GOSR2: variants seen among roughly 807,000 people sequenced by gnomAD.
GOSR2 encodes the protein golgi SNAP receptor complex member 2, also known as 27 kDa Golgi SNARE protein.
A neutral mutation model predicts 27.9 loss-of-function variants in GOSR2; 20 were observed. The ratio of observed to expected loss-of-function variants is 0.72; its 90% CI spans 0.50 to 1.04. The LOEUF (loss-of-function observed/expected upper bound fraction) is 1.04, where lower values mean the gene tolerates loss of function less well. GOSR2 is among the 50% of genes least tolerant of loss of function. The probability of loss-of-function intolerance (pLI) is 0.00; values close to 1 mark genes in which losing one functional copy is unlikely to be tolerated. For synonymous variants in GOSR2, 91 were observed against 98.8 expected (o/e 0.92, Z 0.47); for missense variants, 261 against 270.5 (o/e 0.97, Z 0.25).
At position 46,941,138 on chromosome 17, in the gene GOSR2, T is replaced by C. The variant is rs1198722468; in HGVS notation, c.*2378T>C. 9 of 1,018,976 alleles carry C rather than the reference T, an allele frequency of 8.8e-6. No homozygotes were observed. The highest frequency in any genetic ancestry group is 9.4e-6 in the Non-Finnish European group (8 of 848,502). The allele number at this position is 1,018,976 out of a possible 1,614,324, so 63.1% of individuals were successfully genotyped here. A position where few individuals can be genotyped will look rare whatever the true frequency, so the allele number is the denominator to read the frequency against. On this transcript the variant is annotated 3_prime_UTR_variant, in exon 6 of 6. Coordinates refer to ENST00000640051, the MANE Select transcript of GOSR2 (RefSeq NM_004287.5). ...GTGGGTTATCAAGAGGAACTTGAGA[T>C]CTCTTTATTACATGGACATTTACTT...
At chr17:46,938,407 G>C (rs1217429315) in intron 5 of GOSR2, among the ~76,000 whole-genome samples, 192 bp from the exon 6 acceptor site, 3 of 152,126 alleles carry the variant, frequency 2.0e-5, no homozygotes, top group Non-Finnish European at 4.4e-5. Flanking sequence ...ACTTAGCGTT[G>C]CTCTGGTACC....
intron 5 of GOSR2, 115 bp from the exon 6 acceptor site, chr17:46,938,484 T>C (rs1312232346): frequency 2.2e-5 from 34 of 1,534,360 alleles, no homozygotes; most frequent in Non-Finnish European, 3.0e-5. Flanking sequence ...TTCTGTGTAT[T>C]CTGGGCATGA....
At chr17:46,944,866 C>A (rs2089702042), downstream of GOSR2, among the ~76,000 whole-genome samples, 1 of 152,164 alleles carries the variant, frequency 6.6e-6, no homozygotes, top group Admixed American at 6.5e-5. Flanking sequence ...TCCCAAAGTG[C>A]TGGGATTACT....
chr17:46,971,451 C>T (rs2091392102), downstream of GOSR2, among the ~76,000 whole-genome samples: 1 of 152,164 alleles, frequency 6.6e-6, no homozygotes, highest in Non-Finnish European at 1.5e-5. Context: ...GGCTCTCCTC[C>T]AGTGCTGGGT....
chr17:46,924,200 TA>T (rs927460673), intron 1 of GOSR2: 1 of 221,954 alleles, frequency 4.5e-6, no homozygotes, highest in African/African-American at 2.3e-5. Flanking sequence ...ATACTTAATA[TA>T]AGTGGAGTCA....
intron 2 of GOSR2, chr17:46,930,770 A>G (rs916935172): frequency 2.5e-5 from 6 of 237,484 alleles, no homozygotes; most frequent in Non-Finnish European, 4.1e-5. Flanking sequence ...GACCTATATC[A>G]GAAAATTTAG....
In GOSR2 at chr17:46,940,899, C is replaced by G; in HGVS notation, c.*2139C>G. 1 of 1,369,156 alleles carries G rather than the reference C, an allele frequency of 7.3e-7. No individual in the cohort carries two copies. The highest frequency in any genetic ancestry group is 9.5e-7 in the Non-Finnish European group (1 of 1,058,004). The allele number at this position is 1,369,156 out of a possible 1,614,324, so 84.8% of individuals were successfully genotyped here. A position where few individuals can be genotyped will look rare whatever the true frequency, so the allele number is the denominator to read the frequency against. On this transcript the variant is annotated 3_prime_UTR_variant, in exon 6 of 6. Coordinates refer to ENST00000640051, the MANE Select transcript of GOSR2 (RefSeq NM_004287.5). ...TGTCACATGACCACTTCTCTTCACA[C>G]ATCTGCTTTCAGTGCCTGGTGAAAA... is the stretch of plus-strand genomic sequence containing the variant.
chr17:46,969,305 C>G (rs2091367440), downstream of GOSR2, among the ~76,000 whole-genome samples: 1 of 152,208 alleles, frequency 6.6e-6, no homozygotes, highest in Non-Finnish European at 1.5e-5. Flanking sequence ...TCCTTGTGCC[C>G]CCTGGGGGGC....
At chr17:46,936,965 TAAA>T (rs78020254) in intron 5 of GOSR2, 47 of 196,258 alleles carry the variant, frequency 2.4e-4, no homozygotes, top group Non-Finnish European at 4.0e-4. Context: ...GTGTATTTAT[TAAA>T]AAAAAAAAAA....
intron 6 of GOSR2, among the ~76,000 whole-genome samples, chr17:46,960,880 G>A (rs759780708): frequency 6.6e-6 from 1 of 152,170 alleles, no homozygotes; most frequent in Non-Finnish European, 1.5e-5. Context: ...CTACAAAGTG[G>A]CAGCATGAAG....
At position 46,941,649 on chromosome 17, in the gene GOSR2, C is replaced by T. The variant is rs142652226; in HGVS notation, c.*2889C>T. The T allele has an allele frequency of 0.019, 3,116 of 162,584 alleles. 39 individuals are homozygous for T. The highest frequency in any genetic ancestry group is 0.029 in the Non-Finnish European group (2,238 of 77,508). The allele number at this position is 162,584 out of a possible 1,614,324, so 10.1% of individuals were successfully genotyped here. A position where few individuals can be genotyped will look rare whatever the true frequency, so the allele number is the denominator to read the frequency against. ...AGTGCAGTGGCGCAATCTTGGCTCA[C>T]TGCATCCTCTGCCTCCTGGGTTCAG... On this transcript the variant is annotated 3_prime_UTR_variant, in exon 6 of 6. Coordinates refer to ENST00000640051, the MANE Select transcript of GOSR2 (RefSeq NM_004287.5).
intron 6 of GOSR2, among the ~76,000 whole-genome samples, chr17:46,973,405 C>T (rs377015167): frequency 4.6e-5 from 7 of 152,136 alleles, no homozygotes; most frequent in Admixed American, 1.3e-4. Flanking sequence ...TCAAGTGATT[C>T]GCCCACCTTA....
downstream of GOSR2, among the ~76,000 whole-genome samples, chr17:46,944,891 CA>C (rs528713567): frequency 8.8e-3 from 1,338 of 152,304 alleles, 10 homozygotes; most frequent in Non-Finnish European, 0.012. Flanking sequence ...TAAGCCACCG[CA>C]GCCGGCCTTA....
chr17:46,970,008 T>C, downstream of GOSR2, among the ~76,000 whole-genome samples: 1 of 152,194 alleles, frequency 6.6e-6, no homozygotes, highest in Non-Finnish European at 1.5e-5. Flanking sequence ...CTCCTGGCTC[T>C]AGCTGACTAC....
At chr17:46,931,379 C>T in intron 3 of GOSR2, 172 bp downstream of exon 3, 1 of 631,660 alleles carries the variant, frequency 1.6e-6, no homozygotes, top group Non-Finnish European at 2.9e-6. Context: ...TGATGCCGCT[C>T]AAAATAAATA....
chr17:46,950,711 G>T (rs919497632), intron 6 of GOSR2, among the ~76,000 whole-genome samples: 1 of 152,152 alleles, frequency 6.6e-6, no homozygotes, highest in Non-Finnish European at 1.5e-5. Flanking sequence ...TGGCTTGAGA[G>T]GGCAGGGACT....
intron 4 of GOSR2, among the ~76,000 whole-genome samples, chr17:46,933,784 G>A (rs2087789607): frequency 6.6e-6 from 1 of 151,954 alleles, no homozygotes; most frequent in South Asian, 2.1e-4. Context: ...GTGACATGGT[G>A]AGACATTGTC....
chr17:46,967,058 G>A (rs191138868), downstream of GOSR2: 118 of 177,358 alleles, frequency 6.7e-4, no homozygotes, highest in African/African-American at 2.4e-3. Context: ...TGGCCTTCCC[G>A]CAGTGAATTG....
chr17:46,931,031 GATTTATCATTGTA>G (rs2087286973), intron 2 of GOSR2, 55 bp from the exon 3 acceptor site: 1 of 889,584 alleles, frequency 1.1e-6, no homozygotes, highest in East Asian at 2.4e-5. Context: ...AAAAATCTGT[GATTTATCATTGTA>G]ATTTAAGTTC....
Sources: allele counts gnomAD v4.1 joint callset (sites outside exome capture counted in the v4.1 genomes callset), GRCh38; gene constraint gnomAD v4.1.1; transcripts MANE v1.5; gene names NCBI Gene and HGNC (gene_info 2026-07-23, HGNC 2026-07-21).